Variants in PKHD1 observed in about 807,000 individuals in gnomAD.
The protein encoded by PKHD1 is PKHD1 ciliary IPT domain containing fibrocystin/polyductin.
PKHD1 carries 291 observed loss-of-function variants against 412.0 expected under a neutral mutation model. The observed-to-expected ratio is 0.71, with a 90% CI of 0.64 to 0.78. The LOEUF is 0.78. Ranked by LOEUF, PKHD1 falls within the 30% of genes least tolerant of loss-of-function variation. The pLI, the probability that PKHD1 is intolerant of heterozygous loss-of-function variation, is 0.00. For missense variants in PKHD1, 4,825 were observed against 4,950.7 expected (o/e 0.97, Z 0.76); for synonymous variants, 1,777 against 1,821.5 (o/e 0.98, Z 0.62).
intron 65 of PKHD1, among the ~76,000 whole-genome samples, chr6:51,631,346 G>A (rs538286788): frequency 6.6e-6 from 1 of 152,280 alleles, no homozygotes; most frequent in East Asian, 1.9e-4. Context: ...AAGACAAGGA[G>A]CTGCCTTGTA....
Position 51,804,395 on chromosome 6 carries a change from G to A in PKHD1, c.8303-13022C>T, listed in dbSNP as rs142178433. Reference sequence around the variant, plus strand: ...GGGGCGGTAACAGGAGAAATTAAGCGAAATGCCACATAAAAAATTATTACA... The same window carrying A: ...GGGGCGGTAACAGGAGAAATTAAGCAAAATGCCACATAAAAAATTATTACA... On this transcript the variant is annotated intron_variant, in intron 52 of 66. Coordinates refer to ENST00000371117, the MANE Select transcript of PKHD1 (RefSeq NM_138694.4). 1.3e-3 allele frequency among the ~76,000 whole-genome samples: 165 copies of A among 123,296 alleles called. 6 individuals are homozygous for A. The highest frequency in any genetic ancestry group is 5.0e-3 in the African/African-American group (155 of 31,024). 80.9% of individuals were successfully genotyped at this position (123,296 alleles called of 152,430 possible).
intron 60 of PKHD1, among the ~76,000 whole-genome samples, chr6:51,742,593 A>G (rs1784688387): frequency 6.6e-6 from 1 of 152,170 alleles, no homozygotes; most frequent in African/African-American, 2.4e-5. Context: ...ATGCTCTTGG[A>G]TGACGTGTAA....
Position 52,059,987 on chromosome 6 carries a change from T to C in PKHD1, c.1174A>G (p.Ile392Val). The change falls in exon 15 of 67, where the codon ATT becomes GTT. Residue 392 changes from isoleucine (I) to valine (V), a missense_variant. Physicochemically the swap from Ile to Val is conservative, Grantham distance 29. Coordinates refer to ENST00000371117, the MANE Select transcript of PKHD1 (RefSeq NM_138694.4). The stretch of plus-strand genomic sequence containing the variant: ...AAGGAAGCTTGGCTATCTGCCTGAA[T>C]CCAGAAAGTGTAATTATTTGTCTCT... Reference protein sequence around the residue: ...APETNNYTFWIQADSQASLHF... With the variant: ...APETNNYTFWVQADSQASLHF... The C allele has an allele frequency of 1.2e-6, 2 of 1,611,612 alleles. No individual in the cohort carries two copies. The highest frequency in any genetic ancestry group is 1.7e-6 in the Non-Finnish European group (2 of 1,177,740).
rs532616067 is a variant in PKHD1 at position 51,921,112 on chromosome 6, C to G, written c.6122-8536G>C. 1.4e-3 allele frequency among the ~76,000 whole-genome samples: 213 copies of G among 152,108 alleles called. 6 individuals carry two copies. Among genetic ancestry groups the G allele is most frequent in the Non-Finnish European group, 1.5e-3 (104 of 68,002 alleles). On this transcript the variant is annotated intron_variant, in intron 37 of 66. Coordinates refer to ENST00000371117, the MANE Select transcript of PKHD1 (RefSeq NM_138694.4). ...TGATTTTTTGAAGGGTTTTTTGTGT[C>G]TCTATCTCCTTCAGTTTTCCTCTGA...
chr6:52,050,412 T>C (rs1806628649), intron 21 of PKHD1, 117 bp from the exon 22 acceptor site: 2 of 998,700 alleles, frequency 2.0e-6, no homozygotes, highest in Admixed American at 1.8e-5. Context: ...AAAGCATAGA[T>C]TCCTACTTAT....
At chr6:51,737,531 A>T (rs1784005760) in intron 60 of PKHD1, among the ~76,000 whole-genome samples, 1 of 152,180 alleles carries the variant, frequency 6.6e-6, no homozygotes, top group Admixed American at 6.5e-5. Flanking sequence ...ATAAGCAAGT[A>T]TGTTTATATC....
chr6:51,828,856 C>A (rs1767771735), intron 52 of PKHD1, among the ~76,000 whole-genome samples: 1 of 151,972 alleles, frequency 6.6e-6, no homozygotes, highest in African/African-American at 2.4e-5. Context: ...AAGAGTAAGG[C>A]CAAGCAGCTC....
At chr6:51,837,033 G>A (rs1361756279) in intron 50 of PKHD1, among the ~76,000 whole-genome samples, 2 of 152,090 alleles carry the variant, frequency 1.3e-5, no homozygotes, top group Non-Finnish European at 2.9e-5. Context: ...TAATCAAAAG[G>A]CCTGATTCTT....
chr6:51,862,691 T>C (rs766048229), intron 48 of PKHD1, among the ~76,000 whole-genome samples: 1 of 152,130 alleles, frequency 6.6e-6, no homozygotes, highest in Non-Finnish European at 1.5e-5. Flanking sequence ...CAGGAGAGGA[T>C]ATTAAGCAAG....
chr6:51,638,862 G>T lies in PKHD1; in HGVS notation c.11493C>A (p.Val3831=). The T allele has an allele frequency of 6.3e-7, 1 of 1,577,800 alleles. No homozygotes were observed. The highest frequency in any genetic ancestry group is 8.7e-7 in the Non-Finnish European group (1 of 1,148,204). ...GTATAAAATTACCTGGAGGAGAAGT[G>T]ACAGTAAAAATAAAGTGCCAGTTTG... ...SGSNWHFIFT[V]TSPPGVNFTA... Residue 3831 remains valine (V), a synonymous_variant, in exon 64 of 67, where the codon GTC becomes GTA. Transcript: ENST00000371117.
intron 60 of PKHD1, among the ~76,000 whole-genome samples, chr6:51,662,341 C>T (rs1772994619): frequency 6.6e-6 from 1 of 151,664 alleles, no homozygotes; most frequent in South Asian, 2.1e-4. Context: ...TCTCACCACA[C>T]ACACACGCAC....
At chr6:51,677,677 T>C (rs917715148) in intron 60 of PKHD1, among the ~76,000 whole-genome samples, 3 of 152,162 alleles carry the variant, frequency 2.0e-5, no homozygotes, top group African/African-American at 7.2e-5. Flanking sequence ...GGCCTTTCTG[T>C]CTCTACAATC....
intron 14 of PKHD1, among the ~76,000 whole-genome samples, chr6:52,060,590 A>T (rs192592490): frequency 2.6e-5 from 4 of 152,288 alleles, no homozygotes; most frequent in Admixed American, 2.6e-4. Context: ...TTCATAAAAC[A>T]TTTTTTAAAA....
intron 19 of PKHD1, among the ~76,000 whole-genome samples, chr6:52,054,855 T>C (rs925916293): frequency 6.6e-5 from 10 of 152,108 alleles, no homozygotes; most frequent in Admixed American, 3.9e-4. Flanking sequence ...GAGATGAGGC[T>C]GAAGAAGGGA....
chr6:52,020,966 C>T (rs886400122), intron 33 of PKHD1, among the ~76,000 whole-genome samples: 1 of 151,992 alleles, frequency 6.6e-6, no homozygotes, highest in African/African-American at 2.4e-5. Context: ...CCAGTTTCAG[C>T]GGGTTAACAG....
chr6:52,028,304 C>T lies in PKHD1; in HGVS notation c.3412G>A (p.Asp1138Asn), dbSNP rs1192156901. ...TGGACGTGGACTTCCACATCCAAAT[C>T]CGTATAGTTCATCAGCCTCGCCACT... is the stretch of plus-strand genomic sequence containing the variant. The part of the protein sequence containing the change: ...IGVARLMNYT[D>N]LDVEVHVQDA... The change falls in exon 30 of 67, where the codon GAT (aspartate) becomes AAT (asparagine). Residue 1138 changes from aspartate (D) to asparagine (N), a missense_variant. Physicochemically the swap from Asp to Asn is conservative, Grantham distance 23. Transcript: ENST00000371117. 6.2e-7 allele frequency: 1 copy of T among 1,614,106 alleles called. No individual in the cohort carries two copies. The highest frequency in any genetic ancestry group is 1.7e-5 in the Admixed American group (1 of 60,026).
chr6:52,071,687 T>G (rs770725357), intron 8 of PKHD1, among the ~76,000 whole-genome samples: 22 of 152,180 alleles, frequency 1.4e-4, no homozygotes, highest in East Asian at 1.9e-4. Context: ...GATGATTAGT[T>G]AGACAGGGTT....
chr6:51,678,507 C>CA (rs1381799326), intron 60 of PKHD1, among the ~76,000 whole-genome samples: 3 of 152,192 alleles, frequency 2.0e-5, no homozygotes, highest in African/African-American at 7.2e-5. Context: ...TCATAATAAA[C>CA]ACTGTTGAAA....
chr6:51,874,857 T>G (rs1186227357), intron 46 of PKHD1, among the ~76,000 whole-genome samples: 1 of 104,266 alleles, frequency 9.6e-6, no homozygotes, highest in Non-Finnish European at 1.8e-5. Flanking sequence ...GGTACCGGGT[T>G]CATCTCACTA....
Sources: allele counts gnomAD v4.1 joint callset (sites outside exome capture counted in the v4.1 genomes callset), GRCh38; gene constraint gnomAD v4.1.1; transcripts MANE v1.5; gene names NCBI Gene and HGNC (gene_info 2026-07-23, HGNC 2026-07-21).